Variants in NRP1 observed in about 807,000 individuals in gnomAD.
NRP1 encodes neuropilin-1.
Under a neutral mutation model 106.7 loss-of-function variants are expected in NRP1, and 35 were observed. The ratio of observed to expected loss-of-function variants is 0.33; its 90% CI spans 0.25 to 0.43. NRP1 has a LOEUF of 0.43. Among genes scored for constraint, NRP1 ranks in the 20% least tolerant of loss-of-function variants. The pLI, the probability that NRP1 is intolerant of heterozygous loss-of-function variation, is 1.00. For missense variants in NRP1, 1,024 were observed against 1,170.4 expected (o/e 0.87, Z 1.83); for synonymous variants, 437 against 417.9 (o/e 1.05, Z -0.56).
chr10:33,198,762 T>TG (rs35441738), intron 11 of NRP1, among the ~76,000 whole-genome samples: 35,926 of 152,042 alleles, frequency 0.24, 4,865 homozygotes, highest in East Asian at 0.6. Flanking sequence ...TAAGATGCTA[T>TG]GGTTCCTCCT....
intron 6 of NRP1, among the ~76,000 whole-genome samples, chr10:33,245,973 T>G (rs370529699): frequency 6.6e-6 from 1 of 152,208 alleles, no homozygotes; most frequent in African/African-American, 2.4e-5. Flanking sequence ...TTTTTGGTGA[T>G]GCTTCATCAT....
chr10:33,299,136 G>A (rs999652476), intron 2 of NRP1, among the ~76,000 whole-genome samples: 2 of 152,112 alleles, frequency 1.3e-5, no homozygotes, highest in Non-Finnish European at 2.9e-5. Context: ...GTCTAACCCT[G>A]GCTCTGTCTG....
At position 33,264,507 on chromosome 10, in the gene NRP1, C is replaced by T. The variant is rs550447934; in HGVS notation, c.431-634G>A. Among the ~76,000 whole-genome samples the T allele has an allele frequency of 1.1e-3, 161 of 152,300 alleles. 1 individual carries two copies. The highest frequency in any genetic ancestry group is 2.1e-3 in the Admixed American group (32 of 15,300). On this transcript the variant is annotated intron_variant, in intron 3 of 16. Coordinates refer to ENST00000374867, the MANE Select transcript of NRP1 (RefSeq NM_003873.7). ...AAACTGTGATTACAGGCCATGATGC[C>T]GGAAGTCACCTGATATCAATGCTGA...
intron 6 of NRP1, among the ~76,000 whole-genome samples, chr10:33,251,296 TAA>T (rs369624882): frequency 7.1e-4 from 108 of 152,368 alleles, no homozygotes; most frequent in African/African-American, 2.5e-3. Context: ...GCCATGATTC[TAA>T]GTTTCCTCCC....
chr10:33,320,314 A>G (rs868328669), intron 2 of NRP1, among the ~76,000 whole-genome samples: 29 of 144,638 alleles, frequency 2.0e-4, no homozygotes, highest in Middle Eastern at 3.6e-3. Flanking sequence ...TCCGTCTTTA[A>G]AAAAAAAAAA....
At chr10:33,201,377 C>T (rs1201333605) in intron 11 of NRP1, 1 of 152,150 alleles carries the variant, frequency 6.6e-6, no homozygotes, top group Non-Finnish European at 1.5e-5. Flanking sequence ...GAACCCCTTC[C>T]ACAAGAGGGC....
chr10:33,200,570 T>C (rs1284968292), intron 11 of NRP1, among the ~76,000 whole-genome samples: 1 of 152,210 alleles, frequency 6.6e-6, no homozygotes, highest in Non-Finnish European at 1.5e-5. Context: ...TTGATCCCAA[T>C]TTCCATGTTC....
intron 2 of NRP1, among the ~76,000 whole-genome samples, chr10:33,306,006 A>G (rs761164000): frequency 5.9e-5 from 9 of 152,104 alleles, no homozygotes; most frequent in Non-Finnish European, 1.3e-4. Context: ...TCACCTCGTG[A>G]TCTGCCTGCC....
rs1269805437 is a variant in NRP1, at chr10:33,213,195, TATCTC to T, written c.1614+186_1614+190del. 14 of 1,458,634 alleles carry T rather than the reference TATCTC, an allele frequency of 9.6e-6. No homozygotes were observed. In the East Asian group the frequency reaches 1.2e-4, roughly 13 times the overall value. 90.4% of individuals were successfully genotyped at this position (1,458,634 alleles called of 1,614,324 possible). A position where few individuals can be genotyped will look rare whatever the true frequency, so the allele number is the denominator to read the frequency against. ...CCAGCAATGCAATTCTTTTGCATGT[TATCTC>T]AGACATCACTTTTCATGCCATATTC... is the stretch of plus-strand genomic sequence containing the variant. On this transcript the variant is annotated intron_variant, in intron 9 of 16. Coordinates refer to ENST00000374867, the MANE Select transcript of NRP1 (RefSeq NM_003873.7).
At chr10:33,317,372 A>G (rs1847114382) in intron 2 of NRP1, among the ~76,000 whole-genome samples, 1 of 152,228 alleles carries the variant, frequency 6.6e-6, no homozygotes, top group Non-Finnish European at 1.5e-5. Flanking sequence ...ATCTGTCATA[A>G]CCAGAAATGC....
chr10:33,269,940 A>G (rs1422159711), intron 3 of NRP1, among the ~76,000 whole-genome samples: 2 of 152,236 alleles, frequency 1.3e-5, no homozygotes, highest in Non-Finnish European at 2.9e-5. Flanking sequence ...TGAGTTGTAT[A>G]ATTATTTCAT....
chr10:33,196,710 A>G (rs1836812014), intron 12 of NRP1, among the ~76,000 whole-genome samples: 1 of 152,164 alleles, frequency 6.6e-6, no homozygotes, highest in South Asian at 2.1e-4. Flanking sequence ...TTGCAGTTTA[A>G]TCAGGTCAAC....
intron 6 of NRP1, among the ~76,000 whole-genome samples, chr10:33,228,655 C>A (rs11009309): frequency 0.086 from 13,090 of 152,086 alleles, 1,162 homozygotes; most frequent in East Asian, 0.51. Flanking sequence ...GGAAAAACAG[C>A]ACATAGAAGC....
chr10:33,261,875 A>G (rs949950565), intron 4 of NRP1, among the ~76,000 whole-genome samples: 14 of 152,168 alleles, frequency 9.2e-5, no homozygotes, highest in African/African-American at 3.4e-4. Context: ...TAGCTGAATT[A>G]TAGGCCTGCA....
intron 2 of NRP1, among the ~76,000 whole-genome samples, chr10:33,300,459 G>A (rs11599462): frequency 0.032 from 4,835 of 152,248 alleles, 112 homozygotes; most frequent in Middle Eastern, 0.071. Flanking sequence ...AGTTCCTCCC[G>A]CCCGGCCTGG....
chr10:33,227,445 T>TA (rs75082222), intron 6 of NRP1, among the ~76,000 whole-genome samples: 56,550 of 151,882 alleles, frequency 0.37, 10,661 homozygotes, highest in East Asian at 0.64. Flanking sequence ...AGGAAGAGGG[T>TA]AAAGATTTCT....
At chr10:33,253,797 A>ATG (rs1446760145) in intron 6 of NRP1, among the ~76,000 whole-genome samples, 1 of 152,174 alleles carries the variant, frequency 6.6e-6, no homozygotes, top group Admixed American at 6.5e-5. Flanking sequence ...GTTTTCAGGG[A>ATG]TGTCATCTTG....
intron 12 of NRP1, chr10:33,195,691 G>T: frequency 4.9e-6 from 2 of 411,950 alleles, no homozygotes; most frequent in African/African-American, 2.1e-5. Context: ...AATATTCTGG[G>T]CATTGACTTA....
chr10:33,306,816 T>A (rs997125259), intron 2 of NRP1, among the ~76,000 whole-genome samples: 1 of 152,234 alleles, frequency 6.6e-6, no homozygotes, highest in Admixed American at 6.5e-5. Context: ...CTAGGAATTG[T>A]GTAGAAATGC....
Sources: gnomAD v4.1 joint callset for allele counts (sites outside exome capture counted in the v4.1 genomes callset) on GRCh38, gnomAD v4.1.1 for gene constraint, MANE v1.5 for transcripts, NCBI Gene and HGNC (gene_info 2026-07-23, HGNC 2026-07-21) for gene names.